Variants in ZNF106 observed in about 807,000 individuals in gnomAD.
ZNF106 encodes SH3-domain binding protein 3.
In ZNF106, 67 loss-of-function variants were observed where a neutral mutation model predicts 195.1. The observed-to-expected ratio is 0.34, with a 90% CI of 0.28 to 0.42. The LOEUF (loss-of-function observed/expected upper bound fraction) is 0.42. Among genes scored for constraint, ZNF106 ranks in the 10% least tolerant of loss-of-function variants. The pLI is 1.00. For missense variants in ZNF106, 2,118 were observed against 2,304.5 expected (o/e 0.92, Z 1.66); for synonymous variants, 784 against 818.6 (o/e 0.96, Z 0.72).
chr15:42,454,885 C>T (rs988760910), intron 4 of ZNF106, among the ~76,000 whole-genome samples: 4 of 149,566 alleles, frequency 2.7e-5, no homozygotes, highest in African/African-American at 9.9e-5. Context: ...GGTGACAGAC[C>T]GACACCCTGT....
At chr15:42,442,876 C>T (rs967070564) in intron 9 of ZNF106, among the ~76,000 whole-genome samples, 15 of 151,854 alleles carry the variant, frequency 9.9e-5, no homozygotes, top group African/African-American at 3.4e-4. Flanking sequence ...CTCCACCTCC[C>T]GGGTCCAAGC....
chr15:42,444,312 C>A, intron 8 of ZNF106, 50 bp from the exon 9 acceptor site: 1 of 1,417,264 alleles, frequency 7.1e-7, no homozygotes, highest in Non-Finnish European at 9.9e-7. Flanking sequence ...CTTGTAAGGT[C>A]CTCTAGGTCT....
At chr15:42,429,012 G>A (rs997213335) in intron 14 of ZNF106, among the ~76,000 whole-genome samples, 6 of 151,322 alleles carry the variant, frequency 4.0e-5, no homozygotes, top group East Asian at 2.0e-4. Flanking sequence ...TGATCTGCCC[G>A]CCTCGGCCTC....
At chr15:42,418,083 C>T in intron 20 of ZNF106, 132 bp from the exon 21 acceptor site, 5 of 1,013,714 alleles carry the variant, frequency 4.9e-6, no homozygotes, top group Non-Finnish European at 6.7e-6. Context: ...TTATTCTTGG[C>T]TAGAAAAGAC....
At chr15:42,487,483 C>A (rs576339715) in intron 1 of ZNF106, among the ~76,000 whole-genome samples, 5 of 115,752 alleles carry the variant, frequency 4.3e-5, no homozygotes, top group East Asian at 2.0e-4. Context: ...TGAGCAAGAC[C>A]CTGTCTCAAA....
chr15:42,439,727 T>C lies in ZNF106; in HGVS notation c.3850A>G (p.Ser1284Gly). The C allele has an allele frequency of 1.2e-6, 2 of 1,613,394 alleles. No individual in the cohort carries two copies. Among genetic ancestry groups the C allele is most frequent in the Non-Finnish European group, 1.7e-6 (2 of 1,179,764 alleles). Residue 1284 changes from serine (S) to glycine (G), a missense_variant, in exon 11 of 22, where the codon AGC becomes GGC. Ser to Gly is a moderately conservative substitution (Grantham distance 56). Transcript: ENST00000564754. ...PESTESFHEP[S>G]QELKFSVEQR... is the part of the protein sequence containing the mutation. ...TCCACAGAAAACTTCAGTTCTTGGC[T>C]AGGCTCATGGAAACTTTCTGTTGAC...
rs2054459780 is a variant in ZNF106, at chr15:42,416,348, G to A, written c.*956C>T. On this transcript the variant is annotated 3_prime_UTR_variant, in exon 22 of 22. Transcript: ENST00000564754. ...CAGGGGGGTGGAAAACACCCCGTGA[G>A]CCCAGAGGAATATTCGATGGCTGCC... 1 of 152,340 alleles carries A rather than the reference G, an allele frequency of 6.6e-6. No individual in the cohort carries two copies. The highest frequency in any genetic ancestry group is 1.5e-5 in the Non-Finnish European group (1 of 68,160). The allele number at this position is 152,340 out of a possible 1,614,324, so 9.4% of individuals were successfully genotyped here. A position where few individuals can be genotyped will look rare whatever the true frequency, so the allele number is the denominator to read the frequency against.
chr15:42,472,349 C>A lies in ZNF106; in HGVS notation c.-32-28G>T. On this transcript the variant is annotated intron_variant, in intron 1 of 21. Transcript: ENST00000564754. ...GCAATGAGGAAGTAACATTTAGTAA[C>A]CTTTTCTCCTCAGTACCTTCTTACA... is the stretch of plus-strand genomic sequence containing the variant. The A allele has an allele frequency of 2.0e-6, 3 of 1,492,404 alleles. No homozygotes were observed. In the South Asian group the frequency reaches 3.7e-5, roughly 18 times the overall value. The allele number at this position is 1,492,404 out of a possible 1,614,324, so 92.4% of individuals were successfully genotyped here. A position where few individuals can be genotyped will look rare whatever the true frequency, so the allele number is the denominator to read the frequency against.
At chr15:42,457,457 G>C in intron 3 of ZNF106, 1 of 1,260,740 alleles carries the variant, frequency 7.9e-7, no homozygotes, top group Non-Finnish European at 1.0e-6. Flanking sequence ...GAAACATGGT[G>C]AAAGGGGAGG....
In ZNF106 at chr15:42,439,338, T is replaced by G. The variant is rs763899670; in HGVS notation, c.4239A>C (p.Leu1413Phe). ...KPVRKVKAGK[L>F]IKGGKVTTST... The stretch of plus-strand genomic sequence containing the variant: ...AGGTTGTTACTTTCCCCCCTTTAAT[T>G]AACTTTCCAGCTTTTACTTTCCTTA... Residue 1413 changes from leucine to phenylalanine, a missense_variant, in exon 11 of 22, where the codon TTA (leucine) becomes TTC (phenylalanine). Transcript: ENST00000564754. The G allele has an allele frequency of 7.8e-5, 126 of 1,613,976 alleles. No individual in the cohort carries two copies. Among genetic ancestry groups the G allele is most frequent in the Non-Finnish European group, 1.1e-4 (125 of 1,180,036 alleles).
intron 19 of ZNF106, 30 bp from the exon 20 acceptor site, chr15:42,421,162 C>A (rs751356952): frequency 6.3e-7 from 1 of 1,595,068 alleles, no homozygotes; most frequent in Non-Finnish European, 8.6e-7. Context: ...TAATATCAGA[C>A]CAAAATACAT....
chr15:42,442,372 C>T lies in ZNF106; in HGVS notation c.3464G>A (p.Ser1155Asn). The T allele has an allele frequency of 6.2e-7, 1 of 1,614,030 alleles. No homozygotes were observed. The highest frequency in any genetic ancestry group is 8.5e-7 in the Non-Finnish European group (1 of 1,179,956). Residue 1155 changes from serine to asparagine, a missense_variant, in exon 10 of 22, where the codon AGC becomes AAC. Ser to Asn is a conservative substitution (Grantham distance 46, BLOSUM62 1). Transcript: ENST00000564754. ...PSEHPDQVPC[S>N]LTRERRNSRS... ...ACTGTTCCTTCGTTCTCGTGTGAGG[C>T]TACAGGGAACCTGGTCTGGGTGCTC...
In ZNF106 at chr15:42,444,215, T is replaced by C; in HGVS notation, c.3408A>G (p.Leu1136=). 1.2e-6 allele frequency: 2 copies of C among 1,610,342 alleles called. No individual in the cohort carries two copies. The highest frequency in any genetic ancestry group is 1.1e-5 in the South Asian group (1 of 90,900). The change falls in exon 9 of 22, where the codon CTA becomes CTG. Residue 1136 remains leucine (L), a synonymous_variant. Coordinates refer to ENST00000564754, the MANE Select transcript of ZNF106 (RefSeq NM_001366845.3). Reference sequence around the variant, plus strand: ...CCCTCTGAATACCTTGTAATCCCTGTAGAATCTGTATTCTATGGGTCCTCA... The same window carrying C: ...CCCTCTGAATACCTTGTAATCCCTGCAGAATCTGTATTCTATGGGTCCTCA... ...SALRTHRIQI[L]QGLQETYEPS...
At chr15:42,437,508 C>G in intron 12 of ZNF106, 131 bp from the exon 13 acceptor site, 1 of 1,039,812 alleles carries the variant, frequency 9.6e-7, no homozygotes, top group South Asian at 1.8e-5. Flanking sequence ...CTTAGTTCCC[C>G]TATCAGACTA....
rs1189421635 is a variant in ZNF106, at chr15:42,415,883, G to A, written c.*1421C>T. 4 of 152,698 alleles carry A rather than the reference G, an allele frequency of 2.6e-5. No homozygotes were observed. Among genetic ancestry groups the A allele is most frequent in the Non-Finnish European group, 2.9e-5 (2 of 68,618 alleles). The allele number at this position is 152,698 out of a possible 1,614,324, so 9.5% of individuals were successfully genotyped here. On this transcript the variant is annotated 3_prime_UTR_variant, in exon 22 of 22. Transcript: ENST00000564754. ...CTCCTGAGCAGCTGGGATTACAGGCGCCCACCACGCCCGGCTTTTTGTATT... is the reference window on the plus strand; with the variant it reads ...CTCCTGAGCAGCTGGGATTACAGGCACCCACCACGCCCGGCTTTTTGTATT...
rs1430452295 is a variant in ZNF106 at position 42,439,525 on chromosome 15, G to A, written c.4052C>T (p.Ser1351Phe). ...CTGTTGTTCAGGCTGGTCAGCTGGA[G>A]AGTGGGGTTCCTTCTCCAAAGGGGT... ...SETPLEKEPHSPADQPEQQAE... is the reference protein window; with the variant it reads ...SETPLEKEPHFPADQPEQQAE... Residue 1351 changes from serine to phenylalanine, a missense_variant, in exon 11 of 22, where the codon TCT becomes TTT. Physicochemically the swap from Ser to Phe is radical, Grantham distance 155 (BLOSUM62 -2). Transcript: ENST00000564754. 3.7e-6 allele frequency: 6 copies of A among 1,614,088 alleles called. No individual in the cohort carries two copies. Among genetic ancestry groups the A allele is most frequent in the Non-Finnish European group, 4.2e-6 (5 of 1,180,046 alleles).
intron 3 of ZNF106, among the ~76,000 whole-genome samples, chr15:42,465,612 T>C (rs1422300839): frequency 6.6e-6 from 1 of 152,242 alleles, no homozygotes; most frequent in Non-Finnish European, 1.5e-5. Context: ...TATATTTCAA[T>C]TCTGTTTATA....
chr15:42,442,560 G>A, intron 9 of ZNF106, 146 bp from the exon 10 acceptor site: 1 of 628,244 alleles, frequency 1.6e-6, no homozygotes, highest in South Asian at 2.3e-5. Flanking sequence ...CCGAAATATG[G>A]AGAATATAAT....
chr15:42,484,258 T>C (rs1329178624), intron 1 of ZNF106, among the ~76,000 whole-genome samples: 6 of 152,218 alleles, frequency 3.9e-5, no homozygotes, highest in Non-Finnish European at 8.8e-5. Flanking sequence ...GCAGAGCTAC[T>C]GTAACTTACT....
Sources: gnomAD v4.1 joint callset for allele counts (sites outside exome capture counted in the v4.1 genomes callset) on GRCh38, gnomAD v4.1.1 for gene constraint, MANE v1.5 for transcripts, NCBI Gene and HGNC (gene_info 2026-07-23, HGNC 2026-07-21) for gene names.